CCDC201: variants seen among roughly 807,000 people sequenced by gnomAD.
CCDC201 encodes coiled-coil domain-containing protein 201.
chr7:45,863,195 C>T (rs1244872180), intron 2 of CCDC201, 24 bp from the exon 3 acceptor site: 1 of 152,240 alleles, frequency 6.6e-6, no homozygotes, highest in East Asian at 1.9e-4. Context: ...AGGCATCACC[C>T]CATAGCAGCA....
At chr7:45,879,737 A>G in the CCDC201 span, among the ~76,000 whole-genome samples, 1 of 152,204 alleles carries the variant, frequency 6.6e-6, no homozygotes, top group Non-Finnish European at 1.5e-5. Context: ...ATCAACTATA[A>G]ACTTCATTAA....
At chr7:45,882,389 C>T in the CCDC201 span, among the ~76,000 whole-genome samples, 1 of 152,222 alleles carries the variant, frequency 6.6e-6, no homozygotes, top group Non-Finnish European at 1.5e-5. Flanking sequence ...CCCCATCTTA[C>T]AGGTGAAAAA....
upstream of CCDC201, among the ~76,000 whole-genome samples, chr7:45,874,290 A>G (rs1303542472): frequency 6.6e-6 from 1 of 152,258 alleles, no homozygotes; most frequent in Non-Finnish European, 1.5e-5. Flanking sequence ...GGTATTTAGC[A>G]GAACCAAGAC....
At chr7:45,867,728 C>T (rs1786693171) in intron 1 of CCDC201, among the ~76,000 whole-genome samples, 2 of 152,226 alleles carry the variant, frequency 1.3e-5, no homozygotes, top group Admixed American at 1.3e-4. Context: ...CTGCTCAGGA[C>T]TGGCTTGCAG....
chr7:45,884,841 G>A, the CCDC201 span, among the ~76,000 whole-genome samples: 1 of 152,124 alleles, frequency 6.6e-6, no homozygotes, highest in African/African-American at 2.4e-5. Context: ...CTAGATGGGG[G>A]CAAGACTGTG....
upstream of CCDC201, among the ~76,000 whole-genome samples, chr7:45,876,828 C>T (rs1229357421): frequency 1.3e-5 from 2 of 152,208 alleles, no homozygotes; most frequent in Admixed American, 1.3e-4. Context: ...TAGAGCCTGA[C>T]ACATTCTTTT....
chr7:45,879,697 G>C, the CCDC201 span, among the ~76,000 whole-genome samples: 1 of 152,196 alleles, frequency 6.6e-6, no homozygotes, highest in African/African-American at 2.4e-5. Flanking sequence ...TTTGACATGA[G>C]ATTTGGGTGG....
the CCDC201 span, among the ~76,000 whole-genome samples, chr7:45,880,457 C>T: frequency 6.6e-6 from 1 of 152,158 alleles, no homozygotes; most frequent in Non-Finnish European, 1.5e-5. Context: ...GGTGATGGCA[C>T]CCCAGGTGAT....
upstream of CCDC201, among the ~76,000 whole-genome samples, chr7:45,874,544 C>T (rs1294679013): frequency 6.6e-6 from 1 of 152,202 alleles, no homozygotes; most frequent in African/African-American, 2.4e-5. Flanking sequence ...AGCACCCAGG[C>T]CTGTGTACAG....
At chr7:45,869,744 C>G (rs541700368) in intron 1 of CCDC201, among the ~76,000 whole-genome samples, 3 of 152,224 alleles carry the variant, frequency 2.0e-5, no homozygotes, top group Admixed American at 6.5e-5. Flanking sequence ...ACCAGCATCC[C>G]GTACATTGCT....
intron 1 of CCDC201, among the ~76,000 whole-genome samples, chr7:45,868,689 C>T (rs770330106): frequency 3.3e-5 from 5 of 152,172 alleles, no homozygotes. Flanking sequence ...TCAAAGCCAG[C>T]ACTCTGACAT....
chr7:45,884,515 C>A, the CCDC201 span, among the ~76,000 whole-genome samples: 1 of 152,154 alleles, frequency 6.6e-6, no homozygotes, highest in Non-Finnish European at 1.5e-5. Flanking sequence ...CCTCTTTGTG[C>A]CTGGTCCCCT....
chr7:45,883,993 C>CT, the CCDC201 span, among the ~76,000 whole-genome samples: 1 of 148,338 alleles, frequency 6.7e-6, no homozygotes, highest in Non-Finnish European at 1.5e-5. Context: ...TCTTTTCTTT[C>CT]TTTTTCTTTC....
chr7:45,860,360 T>C (rs913666076), exon 3 of CCDC201: 4 of 152,316 alleles, frequency 2.6e-5, no homozygotes, highest in African/African-American at 9.7e-5. Flanking sequence ...CTATCTGATG[T>C]GTATGTGCAT....
At chr7:45,861,582 A>G (rs1013265522) in exon 3 of CCDC201, 3 of 152,226 alleles carry the variant, frequency 2.0e-5, no homozygotes, top group African/African-American at 7.2e-5. Context: ...GTTTCCAGGA[A>G]GAACCCAATT....
In CCDC201 at chr7:45,872,152, T is replaced by G. The variant is rs148421999; in HGVS notation, c.18+838A>C. Among the ~76,000 whole-genome samples, 905 of 152,328 alleles carry G rather than the reference T, an allele frequency of 5.9e-3. 5 individuals are homozygous for G. Among genetic ancestry groups the G allele is most frequent in the Non-Finnish European group, 9.0e-3 (610 of 68,026 alleles). ...AAATTTTATGCTCTTATACTTTTGA[T>G]CACTTTTGAAACCACAGGCATGCAT... On this transcript the variant is annotated intron_variant, in intron 1 of 2. Coordinates refer to ENST00000636578, the Ensembl canonical transcript of CCDC201.
At chr7:45,884,737 T>A in the CCDC201 span, among the ~76,000 whole-genome samples, 4 of 152,170 alleles carry the variant, frequency 2.6e-5, no homozygotes, top group Admixed American at 2.0e-4. Context: ...TATGGAGACG[T>A]ACCCAGACAC....
intron 2 of CCDC201, 89 bp from the exon 3 acceptor site, chr7:45,863,260 A>G (rs1017150575): frequency 3.9e-5 from 6 of 152,276 alleles, no homozygotes; most frequent in African/African-American, 1.4e-4. Context: ...TAGAAAATAA[A>G]TGCCCACTCA....
At chr7:45,865,426 A>T (rs1258581676) in intron 2 of CCDC201, among the ~76,000 whole-genome samples, 2 of 152,238 alleles carry the variant, frequency 1.3e-5, no homozygotes, top group Non-Finnish European at 2.9e-5. Flanking sequence ...ACAATGGTCC[A>T]TGGAAAGACA....
Sources: gnomAD v4.1 joint callset for allele counts (sites outside exome capture counted in the v4.1 genomes callset) on GRCh38, gnomAD v4.1.1 for gene constraint, MANE v1.5 for transcripts, NCBI Gene and HGNC (gene_info 2026-07-23, HGNC 2026-07-21) for gene names.